RUVBL1: variants seen among roughly 807,000 people sequenced by gnomAD.
RUVBL1 encodes the protein ruvB-like 1.
Under a neutral mutation model 52.4 loss-of-function variants are expected in RUVBL1, and 4 were observed. The observed-to-expected ratio is 0.08, with a 90% CI of 0.04 to 0.17. RUVBL1 has a LOEUF of 0.17. Among genes scored for constraint, RUVBL1 ranks in the 10% least tolerant of loss-of-function variants. The probability of loss-of-function intolerance (pLI) is 1.00; values close to 1 mark genes in which losing one functional copy is unlikely to be tolerated. For missense variants in RUVBL1, 298 were observed against 572.8 expected (o/e 0.52, Z 4.90); for synonymous variants, 217 against 214.4 (o/e 1.01, Z -0.10).
At chr3:128,146,958 T>C (rs1576492715) in intron 1 of RUVBL1, among the ~76,000 whole-genome samples, 1 of 152,210 alleles carries the variant, frequency 6.6e-6, no homozygotes, top group Non-Finnish European at 1.5e-5. Context: ...CCAGCTTCTG[T>C]AAGCAGAACA....
At chr3:128,088,271 GA>G (rs1300202745) in intron 8 of RUVBL1, among the ~76,000 whole-genome samples, 10 of 147,334 alleles carry the variant, frequency 6.8e-5, no homozygotes, top group Non-Finnish European at 1.5e-4. Flanking sequence ...CAAAAAGAAA[GA>G]AAAAAAAAAA....
intron 1 of RUVBL1, among the ~76,000 whole-genome samples, chr3:128,134,835 C>T (rs1276107355): frequency 6.7e-6 from 1 of 150,080 alleles, no homozygotes; most frequent in Non-Finnish European, 1.5e-5. Flanking sequence ...AAATAAAATG[C>T]AAAGAGGGGA....
chr3:128,102,146 T>A (rs1943122064), intron 4 of RUVBL1, among the ~76,000 whole-genome samples: 1 of 152,256 alleles, frequency 6.6e-6, no homozygotes, highest in Non-Finnish European at 1.5e-5. Context: ...AGCACCTGCT[T>A]ACCAATCTCA....
intron 1 of RUVBL1, among the ~76,000 whole-genome samples, chr3:128,149,295 G>A (rs1007802941): frequency 2.0e-5 from 3 of 150,138 alleles, no homozygotes; most frequent in South Asian, 2.1e-4. Context: ...AGCAATTCTC[G>A]TGCCTCAGCC....
intron 1 of RUVBL1, among the ~76,000 whole-genome samples, chr3:128,131,024 C>T (rs983291752): frequency 4.6e-5 from 7 of 151,932 alleles, no homozygotes; most frequent in African/African-American, 4.8e-5. Flanking sequence ...GAGGCTGAGG[C>T]GGTAGGATCA....
At chr3:128,141,541 G>A (rs1944020716) in intron 1 of RUVBL1, among the ~76,000 whole-genome samples, 1 of 152,066 alleles carries the variant, frequency 6.6e-6, no homozygotes, top group African/African-American at 2.4e-5. Context: ...TGTCACCCAG[G>A]CCGGAGTGTA....
chr3:128,114,737 G>A (rs759498154), intron 2 of RUVBL1, among the ~76,000 whole-genome samples: 5 of 152,216 alleles, frequency 3.3e-5, no homozygotes, highest in South Asian at 4.2e-4. Context: ...TCTTCTAAGA[G>A]CAAAGGAAAA....
In RUVBL1 at chr3:128,117,070, G is replaced by T. The variant is rs1324011681; in HGVS notation, c.228+2258C>A. On this transcript the variant is annotated intron_variant, in intron 2 of 10. Transcript: ENST00000322623. ...TTTATAACTGGCTATCTAGGTATAG[G>T]GTATAGAGGGGCTCATCACACTATT... Among the ~76,000 whole-genome samples the T allele has an allele frequency of 2.0e-5, 3 of 152,012 alleles. No individual in the cohort carries two copies. In the East Asian group the frequency reaches 5.8e-4, roughly 29 times the overall value.
intron 2 of RUVBL1, among the ~76,000 whole-genome samples, chr3:128,116,420 C>G (rs1576472054): frequency 6.6e-6 from 1 of 151,292 alleles, no homozygotes; most frequent in East Asian, 1.9e-4. Flanking sequence ...TCCCAGCTAC[C>G]CAGGAGGCTG....
chr3:128,097,995 G>C lies in RUVBL1; in HGVS notation c.818-497C>G, dbSNP rs566876094. 7.2e-5 allele frequency among the ~76,000 whole-genome samples: 11 copies of C among 152,284 alleles called. No homozygotes were observed. In the South Asian group the frequency reaches 2.1e-3, roughly 29 times the overall value. ...TAGGTTAATTAACTTTCAATCAAGT[G>C]CCTGGACTAAGGAAGTGGGTGCTTT... is the stretch of plus-strand genomic sequence containing the variant. On this transcript the variant is annotated intron_variant, in intron 7 of 10. Coordinates refer to ENST00000322623, the MANE Select transcript of RUVBL1 (RefSeq NM_003707.3).
chr3:128,151,239 CTCTATATA>C (rs1161211157), intron 1 of RUVBL1, among the ~76,000 whole-genome samples: 1 of 135,530 alleles, frequency 7.4e-6, no homozygotes, highest in East Asian at 2.1e-4. Context: ...TATATATATA[CTCTATATA>C]TCTATATATA....
chr3:128,153,819 C>A, exon 1 of RUVBL1: 1 of 1,504,942 alleles, frequency 6.6e-7, no homozygotes, highest in Non-Finnish European at 8.8e-7. Flanking sequence ...GGACCATCAT[C>A]GGCGGTGAGC....
At chr3:128,135,771 A>T (rs1023446393) in intron 1 of RUVBL1, among the ~76,000 whole-genome samples, 2 of 152,248 alleles carry the variant, frequency 1.3e-5, no homozygotes, top group Non-Finnish European at 2.9e-5. Context: ...TGCAAAACTC[A>T]TTGGTAATAG....
At chr3:128,088,586 A>G (rs1942728287) in intron 8 of RUVBL1, among the ~76,000 whole-genome samples, 1 of 150,002 alleles carries the variant, frequency 6.7e-6, no homozygotes, top group Non-Finnish European at 1.5e-5. Context: ...GTTTTTTTTC[A>G]TGTTGCTTCA....
At chr3:128,069,836 T>C in intron 9 of RUVBL1, 1 of 637,780 alleles carries the variant, frequency 1.6e-6, no homozygotes, top group Non-Finnish European at 2.6e-6. Context: ...ATTTTGCTTT[T>C]TATCCTGGCA....
At chr3:128,119,524 A>C in intron 1 of RUVBL1, 110 bp from the exon 2 acceptor site, 2 of 801,586 alleles carry the variant, frequency 2.5e-6, no homozygotes, top group Non-Finnish European at 2.0e-6. Context: ...ACTAACACTG[A>C]GTGCCAGTGC....
At chr3:128,143,700 A>G (rs1944064648) in intron 1 of RUVBL1, among the ~76,000 whole-genome samples, 2 of 152,252 alleles carry the variant, frequency 1.3e-5, no homozygotes, top group Admixed American at 1.3e-4. Flanking sequence ...GTTGGCTGTG[A>G]CTAGGCCAAC....
chr3:128,146,560 A>C (rs1484461772), intron 1 of RUVBL1, among the ~76,000 whole-genome samples: 3 of 128,080 alleles, frequency 2.3e-5, no homozygotes, highest in Admixed American at 8.2e-5. Flanking sequence ...GGGCATGTGC[A>C]TGTGCGTCTG....
chr3:128,101,071 G>A (rs778414471), intron 5 of RUVBL1, among the ~76,000 whole-genome samples: 1 of 152,176 alleles, frequency 6.6e-6, no homozygotes, highest in African/African-American at 2.4e-5. Context: ...TCTTTTGTAG[G>A]TGGATGATTT....
Sources: gnomAD v4.1 joint callset for allele counts (sites outside exome capture counted in the v4.1 genomes callset) on GRCh38, gnomAD v4.1.1 for gene constraint, MANE v1.5 for transcripts, NCBI Gene and HGNC (gene_info 2026-07-23, HGNC 2026-07-21) for gene names.